CRIM1: variants seen among roughly 807,000 people sequenced by gnomAD.
CRIM1 encodes the protein cysteine-rich motor neuron 1 protein.
A neutral mutation model predicts 116.4 loss-of-function variants in CRIM1; 32 were observed. That is an observed-to-expected ratio of 0.27 (90% CI 0.21 to 0.37). CRIM1 has a LOEUF of 0.37. Among genes scored for constraint, CRIM1 ranks in the 10% least tolerant of loss-of-function variants. CRIM1 has a pLI of 1.00. For synonymous variants in CRIM1, 590 were observed against 509.2 expected (o/e 1.16, Z -2.13); for missense variants, 1,331 against 1,354.8 (o/e 0.98, Z 0.28).
intron 1 of CRIM1, among the ~76,000 whole-genome samples, chr2:36,374,644 C>T (rs2148316089): frequency 1.3e-5 from 2 of 152,276 alleles, no homozygotes; most frequent in South Asian, 4.1e-4. Flanking sequence ...TCCTTTCCCC[C>T]TTTCTTTTCC....
intron 8 of CRIM1, among the ~76,000 whole-genome samples, chr2:36,509,712 G>A (rs904387553): frequency 6.6e-5 from 10 of 152,180 alleles, no homozygotes; most frequent in South Asian, 2.1e-4. Flanking sequence ...TCAGCCTGCT[G>A]TTCACTCAGA....
intron 6 of CRIM1, among the ~76,000 whole-genome samples, chr2:36,478,221 G>T (rs1385052710): frequency 2.6e-5 from 4 of 152,156 alleles, no homozygotes; most frequent in African/African-American, 7.2e-5. Flanking sequence ...CCTACTAGAG[G>T]TTATTTTACC....
At position 36,359,069 on chromosome 2, in the gene CRIM1, T is replaced by G. The variant is rs140980499; in HGVS notation, c.331+2446T>G. ...TTTTTCTGTGAGTTTACAAGAAATT[T>G]CGGAATGGCCAGTGTTTCCCTCAGT... On this transcript the variant is annotated intron_variant, in intron 1 of 16. Coordinates refer to ENST00000280527, the MANE Select transcript of CRIM1 (RefSeq NM_016441.3). Among the ~76,000 whole-genome samples the G allele has an allele frequency of 1.7e-3, 264 of 152,352 alleles. 2 individuals carry two copies. Among genetic ancestry groups the G allele is most frequent in the Non-Finnish European group, 5.1e-4 (35 of 68,030 alleles).
intron 1 of CRIM1, among the ~76,000 whole-genome samples, chr2:36,383,872 C>T (rs1670972020): frequency 6.6e-6 from 1 of 152,106 alleles, no homozygotes; most frequent in Non-Finnish European, 1.5e-5. Context: ...GCATAGTATA[C>T]TCAGGGAATC....
chr2:36,524,918 A>G (rs1344979698), intron 13 of CRIM1, among the ~76,000 whole-genome samples: 1 of 151,942 alleles, frequency 6.6e-6, no homozygotes, highest in Non-Finnish European at 1.5e-5. Flanking sequence ...CAAATTTGTG[A>G]TTTTGATTTT....
At chr2:36,393,800 G>T (rs1671809535) in intron 1 of CRIM1, among the ~76,000 whole-genome samples, 1 of 152,178 alleles carries the variant, frequency 6.6e-6, no homozygotes, top group Non-Finnish European at 1.5e-5. Flanking sequence ...CGTGTTTCTG[G>T]TAAGAGCCTC....
Position 36,544,279 on chromosome 2 carries a change from G to C in CRIM1, c.2624-97G>C, listed in dbSNP as rs1035592307. The stretch of plus-strand genomic sequence containing the variant: ...CTGCATCTTTCATGTCCCAGGAAAT[G>C]TGGTCTTGAATTGAGTGCACCATTT... On this transcript the variant is annotated intron_variant, in intron 14 of 16. Coordinates refer to ENST00000280527, the MANE Select transcript of CRIM1 (RefSeq NM_016441.3). The C allele has an allele frequency of 5.6e-6, 6 of 1,072,674 alleles. No individual in the cohort carries two copies. In the African/African-American group the frequency reaches 9.8e-5, roughly 17 times the overall value. 66.4% of individuals were successfully genotyped at this position (1,072,674 alleles called of 1,614,324 possible). A position where few individuals can be genotyped will look rare whatever the true frequency, so the allele number is the denominator to read the frequency against.
intron 13 of CRIM1, among the ~76,000 whole-genome samples, chr2:36,536,446 G>C (rs1024328476): frequency 2.6e-5 from 4 of 152,154 alleles, no homozygotes; most frequent in Non-Finnish European, 2.9e-5. Flanking sequence ...GGATTAGTAG[G>C]TGTCATCCAG....
chr2:36,388,095 C>T (rs1671306359), intron 1 of CRIM1, among the ~76,000 whole-genome samples: 3 of 151,962 alleles, frequency 2.0e-5, no homozygotes, highest in Non-Finnish European at 4.4e-5. Flanking sequence ...CTATAAACCC[C>T]TCACATTAAA....
chr2:36,474,157 G>T (rs1678769526), intron 5 of CRIM1, among the ~76,000 whole-genome samples: 1 of 151,912 alleles, frequency 6.6e-6, no homozygotes, highest in African/African-American at 2.4e-5. Flanking sequence ...AGAAGTGTCT[G>T]TTCAAAGGTT....
chr2:36,528,942 G>T (rs1346801939), intron 13 of CRIM1, among the ~76,000 whole-genome samples: 1 of 152,174 alleles, frequency 6.6e-6, no homozygotes, highest in Non-Finnish European at 1.5e-5. Flanking sequence ...TCTCACTTCA[G>T]TATCCTTTCC....
chr2:36,442,076 C>T (rs1302984683), intron 3 of CRIM1, among the ~76,000 whole-genome samples: 1 of 152,136 alleles, frequency 6.6e-6, no homozygotes, highest in Non-Finnish European at 1.5e-5. Context: ...ATTTGATGTA[C>T]TGTTGTATCC....
chr2:36,522,329 A>C lies in CRIM1; in HGVS notation c.2428+16A>C. On this transcript the variant is annotated intron_variant, in intron 13 of 16. Transcript: ENST00000280527. ...TACTGCATAGGTAAGACCAAGGAAAAAAAAATCCCTCATCTCTACCAGTTG... is the reference window on the plus strand; with the variant it reads ...TACTGCATAGGTAAGACCAAGGAAACAAAAATCCCTCATCTCTACCAGTTG... The C allele has an allele frequency of 6.3e-7, 1 of 1,576,668 alleles. No homozygotes were observed. The highest frequency in any genetic ancestry group is 8.7e-7 in the Non-Finnish European group (1 of 1,146,166).
At chr2:36,476,360 TAG>T (rs1333395087) in intron 5 of CRIM1, among the ~76,000 whole-genome samples, 2 of 152,152 alleles carry the variant, frequency 1.3e-5, no homozygotes, top group Non-Finnish European at 2.9e-5. Flanking sequence ...GTGATACATA[TAG>T]AGAGTATTTT....
chr2:36,481,181 G>A (rs1331443823), intron 7 of CRIM1, among the ~76,000 whole-genome samples: 2 of 152,148 alleles, frequency 1.3e-5, no homozygotes, highest in African/African-American at 2.4e-5. Context: ...CCTTTCCTCT[G>A]GAAGTAAATG....
chr2:36,497,090 T>G (rs1301093869), intron 7 of CRIM1, among the ~76,000 whole-genome samples: 7 of 152,202 alleles, frequency 4.6e-5, no homozygotes, highest in African/African-American at 1.7e-4. Context: ...AGTATATACT[T>G]TTCCATAGTA....
intron 14 of CRIM1, among the ~76,000 whole-genome samples, chr2:36,540,735 G>A (rs937535497): frequency 6.6e-6 from 1 of 152,192 alleles, no homozygotes. Context: ...TAACAGGGTG[G>A]TGTGCAGGAA....
intron 7 of CRIM1, among the ~76,000 whole-genome samples, chr2:36,481,497 G>A (rs1197470406): frequency 2.0e-5 from 3 of 152,106 alleles, no homozygotes; most frequent in South Asian, 2.1e-4. Context: ...TACAGCATTG[G>A]ACACAAAGAT....
intron 1 of CRIM1, among the ~76,000 whole-genome samples, chr2:36,365,734 G>GCGTTT (rs1669544284): frequency 2.3e-5 from 3 of 130,098 alleles, no homozygotes; most frequent in African/African-American, 8.8e-5. Context: ...AACTATGTTT[G>GCGTTT]TGTTTTTTTT....
Sources: allele counts gnomAD v4.1 joint callset (sites outside exome capture counted in the v4.1 genomes callset), GRCh38; gene constraint gnomAD v4.1.1; transcripts MANE v1.5; gene names NCBI Gene and HGNC (gene_info 2026-07-23, HGNC 2026-07-21).